The following TBL1XR1 variants were observed in gnomAD, a reference collection of about 807,000 sequenced individuals.
TBL1XR1 encodes F-box-like/WD repeat-containing protein TBL1XR1.
A neutral mutation model predicts 66.9 loss-of-function variants in TBL1XR1; 5 were observed. That is an observed-to-expected ratio of 0.07 (90% confidence interval 0.04 to 0.16). The LOEUF (loss-of-function observed/expected upper bound fraction) is 0.16. TBL1XR1 is among the 10% of genes least tolerant of loss of function. The probability of loss-of-function intolerance (pLI) is 1.00; values close to 1 mark genes in which losing one functional copy is unlikely to be tolerated. For missense variants in TBL1XR1, 238 were observed against 623.2 expected, an observed-to-expected ratio of 0.38 and a Z score of 6.58; for synonymous variants, 210 against 206.0, an observed-to-expected ratio of 1.02 and a Z score of -0.17.
At chr3:177,194,057 C>T (rs1328353355) in intron 1 of TBL1XR1, 1 of 152,234 alleles carries the variant, frequency 6.6e-6, no homozygotes, top group Non-Finnish European at 1.5e-5. Flanking sequence ...ATTAATTGCA[C>T]TCTTACCGAA....
chr3:177,127,795 G>A (rs1281126743), intron 1 of TBL1XR1, among the ~76,000 whole-genome samples: 1 of 152,040 alleles, frequency 6.6e-6, no homozygotes, highest in African/African-American at 2.4e-5. Flanking sequence ...TGGTAGTGTG[G>A]GAATGTAAAA....
intron 1 of TBL1XR1, among the ~76,000 whole-genome samples, chr3:177,099,860 C>G (rs978209425): frequency 3.9e-5 from 6 of 152,206 alleles, no homozygotes; most frequent in South Asian, 2.1e-4. Flanking sequence ...ATCAATGGAG[C>G]ATTTTTGTCA....
intron 1 of TBL1XR1, among the ~76,000 whole-genome samples, chr3:177,178,409 C>T (rs4857822): frequency 0.61 from 92,355 of 151,966 alleles, 28,357 homozygotes; most frequent in East Asian, 0.75. Context: ...CTTGACTTTA[C>T]ACAGTCACAT....
chr3:177,152,069 G>A (rs1439740162), intron 1 of TBL1XR1, among the ~76,000 whole-genome samples: 4 of 152,142 alleles, frequency 2.6e-5, no homozygotes, highest in African/African-American at 4.8e-5. Flanking sequence ...GTTCCAAGTT[G>A]ATTCAAATGG....
chr3:177,084,165 TTCAG>T (rs1199796766), intron 2 of TBL1XR1, among the ~76,000 whole-genome samples: 3 of 152,100 alleles, frequency 2.0e-5, no homozygotes, highest in East Asian at 1.9e-4. Flanking sequence ...GGCTATATCA[TTCAG>T]TAAGTTTTAA....
rs558368639 is a variant in TBL1XR1 at position 177,170,393 on chromosome 3, C to A, written c.-122+26728G>T. Among the ~76,000 whole-genome samples the A allele has an allele frequency of 2.3e-3, 356 of 152,216 alleles. 2 individuals are homozygous for A. The highest frequency in any genetic ancestry group is 8.1e-3 in the African/African-American group (335 of 41,528). On this transcript the variant is annotated intron_variant, in intron 1 of 15. Transcript: ENST00000457928. ...TTTTGGAATGTCCTTCTTCCCCCACCCCTCCACAACTCCATATCTAGCAAA... is the reference window on the plus strand; with the variant it reads ...TTTTGGAATGTCCTTCTTCCCCCACACCTCCACAACTCCATATCTAGCAAA...
upstream of TBL1XR1, among the ~76,000 whole-genome samples, chr3:177,198,803 A>T (rs935947322): frequency 6.6e-6 from 1 of 152,140 alleles, no homozygotes; most frequent in Non-Finnish European, 1.5e-5. Flanking sequence ...TTGAAAATAG[A>T]TGTAGTGATC....
rs1737000480 is a variant in TBL1XR1 at position 177,197,349 on chromosome 3, CGCCGCGGGGGG to C, written c.-361_-351del. ...CCCAGGTGGCGAGCGGAGGTGCTCC[CGCCGCGGGGGG>C]AGGGGCGGGGGCGCACGCGGCCGGC... On this transcript the variant is annotated 5_prime_UTR_variant, in exon 1 of 16. Transcript: ENST00000457928. 7.0e-6 allele frequency: 1 copy of C among 143,134 alleles called. No individual in the cohort carries two copies. The highest frequency in any genetic ancestry group is 2.5e-5 in the African/African-American group (1 of 39,470). The allele number at this position is 143,134 out of a possible 1,614,324, so 8.9% of individuals were successfully genotyped here.
intron 1 of TBL1XR1, among the ~76,000 whole-genome samples, chr3:177,138,316 T>C (rs999180564): frequency 6.6e-6 from 1 of 152,144 alleles, no homozygotes; most frequent in African/African-American, 2.4e-5. Flanking sequence ...GGGCATTCGC[T>C]GGGTGCAATG....
chr3:177,140,782 A>G (rs1316285), intron 1 of TBL1XR1, among the ~76,000 whole-genome samples: 2,852 of 152,302 alleles, frequency 0.019, 92 homozygotes, highest in African/African-American at 0.065. Context: ...TTGTTTTTCA[A>G]TTTTAAAAAT....
chr3:177,185,227 C>T (rs1018581959), intron 1 of TBL1XR1, among the ~76,000 whole-genome samples: 24 of 152,200 alleles, frequency 1.6e-4, no homozygotes, highest in African/African-American at 5.5e-4. Flanking sequence ...TCTAAGCACA[C>T]ACAACAAGCA....
intron 1 of TBL1XR1, among the ~76,000 whole-genome samples, chr3:177,155,711 T>C (rs770627124): frequency 6.6e-6 from 1 of 152,156 alleles, no homozygotes; most frequent in Non-Finnish European, 1.5e-5. Flanking sequence ...CCTCATACCA[T>C]ACACAAAAAT....
At position 177,137,072 on chromosome 3, in the gene TBL1XR1, CCATAAG is replaced by C. The variant is rs147301450; in HGVS notation, c.-121-38537_-121-38532del. Among the ~76,000 whole-genome samples the C allele has an allele frequency of 6.7e-4, 102 of 152,238 alleles. 3 individuals are homozygous for C. In the East Asian group the frequency reaches 0.019, roughly 29 times the overall value. Reference sequence around the variant, plus strand: ...TATGCATGCTTACTTCTATAACAGGCCATAAGCCCAGAAAACAGCTTTAAGCATTAT... The same window carrying C: ...TATGCATGCTTACTTCTATAACAGGCCCCAGAAAACAGCTTTAAGCATTAT... On this transcript the variant is annotated intron_variant, in intron 1 of 15. Coordinates refer to ENST00000457928, the MANE Select transcript of TBL1XR1 (RefSeq NM_024665.7).
chr3:177,154,521 C>T (rs1731263842), intron 1 of TBL1XR1, among the ~76,000 whole-genome samples: 1 of 151,988 alleles, frequency 6.6e-6, no homozygotes, highest in African/African-American at 2.4e-5. Flanking sequence ...CTCAGCTTCC[C>T]GAGTAGCTGG....
intron 14 of TBL1XR1, among the ~76,000 whole-genome samples, chr3:177,030,320 CAT>C (rs1340894685): frequency 2.6e-5 from 4 of 151,174 alleles, no homozygotes; most frequent in Non-Finnish European, 5.9e-5. Flanking sequence ...TTAATATATT[CAT>C]ATAATGCTCT....
intron 1 of TBL1XR1, among the ~76,000 whole-genome samples, chr3:177,149,714 G>A (rs1730660054): frequency 6.6e-6 from 1 of 151,956 alleles, no homozygotes; most frequent in Non-Finnish European, 1.5e-5. Flanking sequence ...CTAAATGGTT[G>A]GGGGGGCCGG....
chr3:177,040,130 C>T (rs1042503689), intron 10 of TBL1XR1, among the ~76,000 whole-genome samples: 1 of 152,088 alleles, frequency 6.6e-6, no homozygotes, highest in Non-Finnish European at 1.5e-5. Context: ...CCAGCCTGGG[C>T]AAGACAGTGG....
intron 1 of TBL1XR1, among the ~76,000 whole-genome samples, chr3:177,168,908 G>C (rs140274285): frequency 1.4e-3 from 216 of 152,170 alleles, no homozygotes; most frequent in African/African-American, 5.1e-3. Flanking sequence ...TTTGGAGAGG[G>C]GGAAACAAAT....
chr3:177,061,406 A>T (rs1718500367), intron 3 of TBL1XR1, among the ~76,000 whole-genome samples: 1 of 152,264 alleles, frequency 6.6e-6, no homozygotes, highest in Non-Finnish European at 1.5e-5. Context: ...AACAATATGC[A>T]GAGAACAAAT....
Sources: gnomAD v4.1 joint callset for allele counts (sites outside exome capture counted in the v4.1 genomes callset) on GRCh38, gnomAD v4.1.1 for gene constraint, MANE v1.5 for transcripts, NCBI Gene and HGNC (gene_info 2026-07-23, HGNC 2026-07-21) for gene names.